FBXL17: variants seen among roughly 807,000 people sequenced by gnomAD.
FBXL17 encodes the protein F-box/LRR-repeat protein 17.
Under a neutral mutation model 66.2 loss-of-function variants are expected in FBXL17, and 22 were observed. That is an observed-to-expected ratio of 0.33 (90% CI 0.24 to 0.47). FBXL17 has a LOEUF of 0.47. FBXL17 is among the 20% of genes least tolerant of loss of function. FBXL17 has a pLI of 1.00. For missense variants in FBXL17, 878 were observed against 948.2 expected (o/e 0.93, Z 0.97); for synonymous variants, 474 against 400.5 (o/e 1.18, Z -2.19).
intron 4 of FBXL17, among the ~76,000 whole-genome samples, chr5:108,320,121 T>G (rs1269028944): frequency 1.3e-5 from 2 of 151,778 alleles, no homozygotes; most frequent in Non-Finnish European, 2.9e-5. Context: ...ACTCTAAAAT[T>G]ATCATGTTTT....
At chr5:108,304,341 C>T (rs1758736653) in intron 4 of FBXL17, among the ~76,000 whole-genome samples, 1 of 151,804 alleles carries the variant, frequency 6.6e-6, no homozygotes, top group Non-Finnish European at 1.5e-5. Context: ...TTTTAATATT[C>T]AGTAATTCAA....
At chr5:107,921,779 G>A (rs749331766) in intron 7 of FBXL17, among the ~76,000 whole-genome samples, 5 of 152,130 alleles carry the variant, frequency 3.3e-5, no homozygotes, top group Admixed American at 6.6e-5. Flanking sequence ...AGAAAGCCAG[G>A]GAAGGTACAG....
At position 108,136,667 on chromosome 5, in the gene FBXL17, T is replaced by C. The variant is rs1203031492; in HGVS notation, c.1745+49450A>G. Among the ~76,000 whole-genome samples the C allele has an allele frequency of 1.2e-4, 19 of 152,296 alleles. No homozygotes were observed. The South Asian group carries it at 3.9e-3, about 32-fold the overall frequency. On this transcript the variant is annotated intron_variant, in intron 6 of 8. Transcript: ENST00000542267. ...AACTGATTCTTCAGAAAAAAGTTCA[T>C]AATTATATTAAATTTGCACTGTGGA...
At chr5:108,331,204 C>T (rs535092735) in intron 4 of FBXL17, among the ~76,000 whole-genome samples, 4 of 152,150 alleles carry the variant, frequency 2.6e-5, no homozygotes, top group Non-Finnish European at 5.9e-5. Flanking sequence ...ATCAAGAAAT[C>T]ATTAACCATT....
intron 7 of FBXL17, among the ~76,000 whole-genome samples, chr5:107,982,966 G>A (rs1397188873): frequency 6.6e-6 from 1 of 152,046 alleles, no homozygotes; most frequent in East Asian, 1.9e-4. Flanking sequence ...TAAAAGCTGG[G>A]GAGTTCGCTA....
chr5:107,870,197 C>A (rs1265942551), intron 8 of FBXL17, among the ~76,000 whole-genome samples: 2 of 152,182 alleles, frequency 1.3e-5, no homozygotes, highest in Non-Finnish European at 2.9e-5. Flanking sequence ...CTAGAAGGCA[C>A]AGGTGATTTC....
chr5:107,904,820 A>G (rs893133026), intron 7 of FBXL17, among the ~76,000 whole-genome samples: 1 of 152,184 alleles, frequency 6.6e-6, no homozygotes, highest in African/African-American at 2.4e-5. Context: ...AAAATATAAC[A>G]TATGCTTAAT....
intron 5 of FBXL17, among the ~76,000 whole-genome samples, chr5:108,189,966 T>C (rs1026277410): frequency 7.2e-5 from 11 of 152,128 alleles, no homozygotes; most frequent in South Asian, 4.2e-4. Context: ...CAGCCCCAGT[T>C]GAGATCTTGA....
intron 3 of FBXL17, among the ~76,000 whole-genome samples, chr5:108,357,469 A>T (rs555785121): frequency 3.6e-4 from 55 of 152,110 alleles, no homozygotes; most frequent in African/African-American, 1.3e-3. Context: ...ACTCAATAAA[A>T]CCATTAATTG....
At position 107,943,607 on chromosome 5, in the gene FBXL17, C is replaced by T. The variant is rs370453369; in HGVS notation, c.1823-62428G>A. On this transcript the variant is annotated intron_variant, in intron 7 of 8. Coordinates refer to ENST00000542267, the MANE Select transcript of FBXL17 (RefSeq NM_001163315.3). ...TTGTAGTTAATCTTCCCTTCTTCAA[C>T]GCATCTTCACTCCAAGCTATCCTCT... Among the ~76,000 whole-genome samples the T allele has an allele frequency of 1.3e-4, 19 of 150,172 alleles. No homozygotes were observed. The East Asian group carries it at 1.4e-3, about 11-fold the overall frequency.
At chr5:108,087,808 T>C (rs968264402) in intron 6 of FBXL17, among the ~76,000 whole-genome samples, 6 of 152,108 alleles carry the variant, frequency 3.9e-5, no homozygotes, top group Non-Finnish European at 7.4e-5. Flanking sequence ...TAGCCACATA[T>C]AGAACAAATG....
chr5:108,172,812 T>C lies in FBXL17; in HGVS notation c.1745+13305A>G, dbSNP rs567060711. 9.9e-5 allele frequency among the ~76,000 whole-genome samples: 15 copies of C among 152,282 alleles called. No individual in the cohort carries two copies. In the South Asian group the frequency reaches 3.1e-3, roughly 32 times the overall value. On this transcript the variant is annotated intron_variant, in intron 6 of 8. Coordinates refer to ENST00000542267, the MANE Select transcript of FBXL17 (RefSeq NM_001163315.3). ...GCAGCTTTATTTTATTTGTTTATTG[T>C]TTTTTGAGATGGAGTTTAGCTCTTG...
intron 4 of FBXL17, among the ~76,000 whole-genome samples, chr5:108,274,979 C>G (rs1757427070): frequency 6.6e-6 from 1 of 152,090 alleles, no homozygotes; most frequent in African/African-American, 2.4e-5. Flanking sequence ...CTACTCAGGT[C>G]CACAAAAAGG....
intron 7 of FBXL17, among the ~76,000 whole-genome samples, chr5:107,898,010 G>C (rs1749440304): frequency 6.6e-6 from 1 of 152,172 alleles, no homozygotes; most frequent in African/African-American, 2.4e-5. Context: ...CACTACACCA[G>C]AGCAATTAAC....
intron 6 of FBXL17, among the ~76,000 whole-genome samples, chr5:108,184,250 G>C (rs143374905): frequency 6.6e-6 from 1 of 152,012 alleles, no homozygotes. Context: ...CAACAGAAAC[G>C]CCATCTCTAC....
At chr5:107,988,422 A>G (rs1287575204) in intron 7 of FBXL17, among the ~76,000 whole-genome samples, 1 of 152,074 alleles carries the variant, frequency 6.6e-6, no homozygotes, top group Non-Finnish European at 1.5e-5. Context: ...TTTCATAAGC[A>G]AAATCAACAC....
intron 5 of FBXL17, among the ~76,000 whole-genome samples, chr5:108,211,928 A>G (rs1754391015): frequency 6.6e-6 from 1 of 152,140 alleles, no homozygotes; most frequent in African/African-American, 2.4e-5. Context: ...GTGTTTTCCA[A>G]CTTGGTTTCA....
intron 6 of FBXL17, among the ~76,000 whole-genome samples, chr5:108,038,502 T>C (rs1443445064): frequency 1.3e-5 from 2 of 152,128 alleles, no homozygotes; most frequent in Non-Finnish European, 1.5e-5. Flanking sequence ...TCTATATTTA[T>C]GTGTTTGAAA....
intron 7 of FBXL17, among the ~76,000 whole-genome samples, chr5:107,891,482 G>C (rs764335974): frequency 3.9e-5 from 6 of 152,152 alleles, no homozygotes; most frequent in Non-Finnish European, 7.4e-5. Context: ...CAATAAGGAG[G>C]CCATTGCAAT....
Sources: allele counts gnomAD v4.1 joint callset (sites outside exome capture counted in the v4.1 genomes callset), GRCh38; gene constraint gnomAD v4.1.1; transcripts MANE v1.5; gene names NCBI Gene and HGNC (gene_info 2026-07-23, HGNC 2026-07-21).